ADCY8: variants seen among roughly 807,000 people sequenced by gnomAD.
ADCY8 encodes adenylate cyclase type 8.
A neutral mutation model predicts 119.7 loss-of-function variants in ADCY8; 51 were observed. The ratio of observed to expected loss-of-function variants is 0.43; its 90% CI spans 0.34 to 0.54. The LOEUF is 0.54. ADCY8 is among the 20% of genes least tolerant of loss of function. The pLI is 0.03. For synonymous variants in ADCY8, 665 were observed against 651.0 expected, an observed-to-expected ratio of 1.02 and a Z score of -0.33; for missense variants, 1,383 against 1,598.8, an observed-to-expected ratio of 0.87 and a Z score of 2.30.
chr8:130,900,167 G>T (rs1212276388), intron 7 of ADCY8, among the ~76,000 whole-genome samples: 1 of 152,182 alleles, frequency 6.6e-6, no homozygotes, highest in Non-Finnish European at 1.5e-5. Flanking sequence ...TGGGTGTTCA[G>T]GATGTCCAAG....
chr8:130,846,939 CTCCTTCCT>C (rs1015727852), intron 11 of ADCY8, among the ~76,000 whole-genome samples: 3 of 119,400 alleles, frequency 2.5e-5, no homozygotes, highest in Admixed American at 9.5e-5. Context: ...TTCCTTCCTT[CTCCTTCCT>C]TCCTTCCTTT....
intron 1 of ADCY8, among the ~76,000 whole-genome samples, chr8:131,004,059 G>T (rs548491853): frequency 3.3e-5 from 5 of 152,272 alleles, no homozygotes; most frequent in Non-Finnish European, 5.9e-5. Context: ...AGAAAAAAAG[G>T]TTTCCTTTTG....
chr8:130,872,876 G>A (rs1818417084), intron 8 of ADCY8, among the ~76,000 whole-genome samples: 1 of 152,226 alleles, frequency 6.6e-6, no homozygotes, highest in Admixed American at 6.5e-5. Flanking sequence ...TTCCAAGGAA[G>A]TGGAGCAGGA....
At chr8:130,793,405 C>G (rs1161430455) in intron 15 of ADCY8, among the ~76,000 whole-genome samples, 1 of 152,192 alleles carries the variant, frequency 6.6e-6, no homozygotes, top group African/African-American at 2.4e-5. Flanking sequence ...CCCCTCCCTC[C>G]AAACCTTCCT....
In ADCY8 at chr8:130,785,430, T is replaced by G. The variant is rs1394431778; in HGVS notation, c.3106A>C (p.Ile1036Leu). 6.2e-7 allele frequency: 1 copy of G among 1,610,506 alleles called. No homozygotes were observed. Among genetic ancestry groups the G allele is most frequent in the African/African-American group, 1.3e-5 (1 of 74,832 alleles). ...GACACGGCCATGTAGGTGCTGCCAA[T>G]GGTCTTAATCTTTTCAATGTCTTGA... ...RFQDIEKIKTIGSTYMAVSGL... is the reference protein window; with the variant it reads ...RFQDIEKIKTLGSTYMAVSGL... The change falls in exon 16 of 18, where the codon ATT (isoleucine) becomes CTT (leucine). Residue 1036 changes from isoleucine (I) to leucine (L), a missense_variant. Transcript: ENST00000286355.
chr8:130,861,591 T>C (rs1012487959), intron 9 of ADCY8, among the ~76,000 whole-genome samples: 5 of 152,194 alleles, frequency 3.3e-5, no homozygotes, highest in African/African-American at 1.2e-4. Flanking sequence ...CCTTTGGGAT[T>C]TTCTGTATAG....
At position 131,021,552 on chromosome 8, in the gene ADCY8, T is replaced by C. The variant is rs193166100; in HGVS notation, c.960+17822A>G. ...GCTGTGTACCCACTCAAATCTCATC[T>C]TGAATTGTAGTTCCCATAATCCTCA... is the stretch of plus-strand genomic sequence containing the variant. On this transcript the variant is annotated intron_variant, in intron 1 of 17. Coordinates refer to ENST00000286355, the MANE Select transcript of ADCY8 (RefSeq NM_001115.3). Among the ~76,000 whole-genome samples, 73 of 152,336 alleles carry C rather than the reference T, an allele frequency of 4.8e-4. 1 individual carries two copies. Among genetic ancestry groups the C allele is most frequent in the Admixed American group, 1.6e-3 (24 of 15,294 alleles).
chr8:130,818,739 C>T (rs984230281), intron 13 of ADCY8, among the ~76,000 whole-genome samples: 1 of 152,184 alleles, frequency 6.6e-6, no homozygotes, highest in Admixed American at 6.5e-5. Flanking sequence ...GGACCCAAAA[C>T]GATGCTGCAG....
chr8:130,872,281 TGAA>T (rs910512097), intron 8 of ADCY8, among the ~76,000 whole-genome samples: 6 of 152,216 alleles, frequency 3.9e-5, no homozygotes, highest in Non-Finnish European at 8.8e-5. Context: ...TTGCAACTCT[TGAA>T]GAAGGTCTTG....
intron 1 of ADCY8, among the ~76,000 whole-genome samples, chr8:131,002,824 C>T (rs954418654): frequency 4.6e-5 from 7 of 151,854 alleles, no homozygotes; most frequent in African/African-American, 1.7e-4. Flanking sequence ...AAAAAACAGT[C>T]ATTTCAAATG....
chr8:130,844,911 G>A (rs572845472), intron 11 of ADCY8, among the ~76,000 whole-genome samples: 17 of 152,194 alleles, frequency 1.1e-4, no homozygotes, highest in African/African-American at 3.1e-4. Context: ...GGTATATTAC[G>A]CACAGTGGTT....
chr8:130,947,765 A>G (rs148711785), intron 3 of ADCY8, among the ~76,000 whole-genome samples: 6 of 152,382 alleles, frequency 3.9e-5, no homozygotes, highest in African/African-American at 1.4e-4. Context: ...CACAAAATGT[A>G]TGTCAGCAAA....
chr8:130,850,732 GTGCTAAATAA>G (rs1388361819), intron 9 of ADCY8, among the ~76,000 whole-genome samples: 2 of 152,112 alleles, frequency 1.3e-5, no homozygotes, highest in Non-Finnish European at 2.9e-5. Context: ...CCATTGGCCA[GTGCTAAATAA>G]ATGTGTGTTC....
chr8:130,903,727 G>A (rs770516849), intron 7 of ADCY8, 45 bp downstream of exon 7: 12 of 1,597,410 alleles, frequency 7.5e-6, no homozygotes, highest in African/African-American at 1.3e-5. Flanking sequence ...AGATGCACAC[G>A]AGCATGCATT....
chr8:130,886,012 T>A (rs2130467301), intron 7 of ADCY8, among the ~76,000 whole-genome samples: 1 of 152,166 alleles, frequency 6.6e-6, no homozygotes, highest in South Asian at 2.1e-4. Flanking sequence ...CCAGATCTGC[T>A]GACTCCAGGA....
intron 13 of ADCY8, among the ~76,000 whole-genome samples, chr8:130,818,366 G>T (rs166405): frequency 0.83 from 126,127 of 152,076 alleles, 52,390 homozygotes; most frequent in East Asian, 0.91. Flanking sequence ...AAACCGAAGA[G>T]TCCCAGGCAA....
At chr8:130,781,644 C>T (rs1326198810) in intron 17 of ADCY8, among the ~76,000 whole-genome samples, 1 of 152,160 alleles carries the variant, frequency 6.6e-6, no homozygotes. Flanking sequence ...TGGAGTTTTC[C>T]TAACCTTCCA....
At position 131,012,035 on chromosome 8, in the gene ADCY8, C is replaced by G. The variant is rs550639203; in HGVS notation, c.961-21493G>C. ...CCCAATTACCATCACTCCCAGGAAC[C>G]CATTTGGGGAGCCTGGCATCTCAGA... On this transcript the variant is annotated intron_variant, in intron 1 of 17. Transcript: ENST00000286355. Among the ~76,000 whole-genome samples, 12 of 152,252 alleles carry G rather than the reference C, an allele frequency of 7.9e-5. No homozygotes were observed. The East Asian group carries it at 2.3e-3, about 29-fold the overall frequency.
intron 2 of ADCY8, among the ~76,000 whole-genome samples, chr8:130,966,292 C>G (rs1821758736): frequency 6.6e-6 from 1 of 152,120 alleles, no homozygotes; most frequent in Admixed American, 6.6e-5. Context: ...GAAACTTGTT[C>G]AGTTTCAGTC....
Sources: allele counts gnomAD v4.1 joint callset (sites outside exome capture counted in the v4.1 genomes callset), GRCh38; gene constraint gnomAD v4.1.1; transcripts MANE v1.5; gene names NCBI Gene and HGNC (gene_info 2026-07-23, HGNC 2026-07-21).